KCNQ3: variants seen among roughly 807,000 people sequenced by gnomAD.
The protein encoded by KCNQ3 is potassium voltage-gated channel subfamily KQT member 3.
In KCNQ3, 30 loss-of-function variants were observed where a neutral mutation model predicts 92.5. That is an observed-to-expected ratio of 0.32 (90% CI 0.24 to 0.44). KCNQ3 has a LOEUF of 0.44. KCNQ3 is among the 20% of genes least tolerant of loss of function. The pLI, the probability that KCNQ3 is intolerant of heterozygous loss-of-function variation, is 1.00. For missense variants in KCNQ3, 913 were observed against 1,140.3 expected, an observed-to-expected ratio of 0.80 and a Z score of 2.87; for synonymous variants, 450 against 468.8, an observed-to-expected ratio of 0.96 and a Z score of 0.52.
At chr8:132,387,893 C>A (rs543789554) in intron 1 of KCNQ3, among the ~76,000 whole-genome samples, 130 of 151,780 alleles carry the variant, frequency 8.6e-4, no homozygotes, top group African/African-American at 1.8e-3. Flanking sequence ...CTACAGTGAG[C>A]CATGATCGCC....
chr8:132,389,924 C>T (rs1400247918), intron 1 of KCNQ3, among the ~76,000 whole-genome samples: 1 of 152,178 alleles, frequency 6.6e-6, no homozygotes, highest in African/African-American at 2.4e-5. Flanking sequence ...TACCTAGGTA[C>T]AAACTTTGCA....
At chr8:132,272,662 T>C (rs1050654285) in intron 1 of KCNQ3, among the ~76,000 whole-genome samples, 2 of 152,140 alleles carry the variant, frequency 1.3e-5, no homozygotes, top group African/African-American at 4.8e-5. Context: ...GGGGAACTCC[T>C]CTTTTGAAAG....
chr8:132,384,061 C>T (rs761653663), intron 1 of KCNQ3, among the ~76,000 whole-genome samples: 2 of 152,182 alleles, frequency 1.3e-5, no homozygotes, highest in Non-Finnish European at 2.9e-5. Flanking sequence ...CTGACAAATT[C>T]CTATGCATCC....
At chr8:132,441,604 A>AATAT (rs146088628) in intron 1 of KCNQ3, among the ~76,000 whole-genome samples, 7 of 146,658 alleles carry the variant, frequency 4.8e-5, no homozygotes, top group Non-Finnish European at 1.1e-4. Flanking sequence ...CAAACAAACA[A>AATAT]ATATATATAT....
At chr8:132,450,116 G>T (rs529576576) in intron 1 of KCNQ3, among the ~76,000 whole-genome samples, 1 of 152,292 alleles carries the variant, frequency 6.6e-6, no homozygotes, top group East Asian at 1.9e-4. Context: ...AGCTTCCACA[G>T]CATGGAAGGG....
chr8:132,201,383 G>A (rs1827454944), intron 1 of KCNQ3, among the ~76,000 whole-genome samples: 1 of 152,044 alleles, frequency 6.6e-6, no homozygotes, highest in Admixed American at 6.5e-5. Context: ...AAAGTCTGGA[G>A]TCTCATTTAA....
intron 1 of KCNQ3, among the ~76,000 whole-genome samples, chr8:132,351,266 C>T (rs1207479099): frequency 2.6e-5 from 4 of 152,186 alleles, no homozygotes; most frequent in Admixed American, 2.0e-4. Context: ...CAAATATCAT[C>T]GAGCTTAGCC....
chr8:132,391,799 T>G (rs1586980545), intron 1 of KCNQ3, among the ~76,000 whole-genome samples: 1 of 152,144 alleles, frequency 6.6e-6, no homozygotes, highest in Non-Finnish European at 1.5e-5. Context: ...ACATTCCATG[T>G]GGGGAGCAGC....
intron 1 of KCNQ3, among the ~76,000 whole-genome samples, chr8:132,442,234 T>C (rs1821556814): frequency 6.6e-6 from 1 of 152,090 alleles, no homozygotes; most frequent in African/African-American, 2.4e-5. Flanking sequence ...AAAATGAAAG[T>C]TTAAAAAAAG....
intron 1 of KCNQ3, among the ~76,000 whole-genome samples, chr8:132,246,391 G>C (rs529710778): frequency 1.3e-5 from 2 of 152,358 alleles, no homozygotes; most frequent in Non-Finnish European, 2.9e-5. Context: ...AGAAATAGGA[G>C]GTTTGCAGAG....
chr8:132,335,232 G>A (rs1159842631), intron 1 of KCNQ3, among the ~76,000 whole-genome samples: 1 of 151,950 alleles, frequency 6.6e-6, no homozygotes, highest in African/African-American at 2.4e-5. Context: ...GTAGAGATGG[G>A]GTTTCACCAC....
intron 1 of KCNQ3, among the ~76,000 whole-genome samples, chr8:132,403,992 C>G (rs890908890): frequency 1.3e-5 from 2 of 152,234 alleles, no homozygotes; most frequent in Non-Finnish European, 2.9e-5. Context: ...TGAATCACTT[C>G]TCCCTGAATC....
intron 1 of KCNQ3, among the ~76,000 whole-genome samples, chr8:132,198,050 G>T (rs1054721243): frequency 6.6e-6 from 1 of 152,186 alleles, no homozygotes; most frequent in East Asian, 1.9e-4. Context: ...CCAGTCAATA[G>T]ACTACAGTAA....
intron 1 of KCNQ3, among the ~76,000 whole-genome samples, chr8:132,303,731 C>T (rs1394995995): frequency 7.2e-6 from 1 of 138,596 alleles, no homozygotes; most frequent in East Asian, 2.2e-4. Flanking sequence ...CATATATGTA[C>T]ATGCCACACA....
intron 1 of KCNQ3, among the ~76,000 whole-genome samples, chr8:132,417,686 T>C (rs1008436556): frequency 2.6e-5 from 4 of 152,066 alleles, no homozygotes; most frequent in African/African-American, 7.2e-5. Flanking sequence ...ATCCATTCAT[T>C]CATTCATTCA....
In KCNQ3 at chr8:132,337,116, C is replaced by T. The variant is rs183820872; in HGVS notation, c.386+143031G>A. Among the ~76,000 whole-genome samples the T allele has an allele frequency of 6.6e-5, 10 of 152,262 alleles. No homozygotes were observed. In the East Asian group the frequency reaches 1.4e-3, roughly 21 times the overall value. ...TGCCTAAAGTTGGTCATGACACTTA[C>T]ATATAATTCCAGAGGAGTGGATGCC... On this transcript the variant is annotated intron_variant, in intron 1 of 14. Coordinates refer to ENST00000388996, the MANE Select transcript of KCNQ3 (RefSeq NM_004519.4).
At chr8:132,377,729 A>G (rs972869932) in intron 1 of KCNQ3, among the ~76,000 whole-genome samples, 3 of 152,230 alleles carry the variant, frequency 2.0e-5, no homozygotes, top group Non-Finnish European at 4.4e-5. Context: ...ATTATCTTCA[A>G]ATATGGTAGT....
intron 1 of KCNQ3, among the ~76,000 whole-genome samples, chr8:132,328,658 G>A (rs1309416302): frequency 6.6e-6 from 1 of 152,132 alleles, no homozygotes; most frequent in Non-Finnish European, 1.5e-5. Flanking sequence ...TGAGTATATA[G>A]AACAGTGCCT....
chr8:132,175,297 C>T (rs1826510369), intron 5 of KCNQ3, among the ~76,000 whole-genome samples, 156 bp downstream of exon 5: 1 of 152,240 alleles, frequency 6.6e-6, no homozygotes, highest in African/African-American at 2.4e-5. Context: ...GAAGGAGGGT[C>T]TTCTGTCAGC....
Sources: allele counts gnomAD v4.1 joint callset (sites outside exome capture counted in the v4.1 genomes callset), GRCh38; gene constraint gnomAD v4.1.1; transcripts MANE v1.5; gene names NCBI Gene and HGNC (gene_info 2026-07-23, HGNC 2026-07-21).